Variants in SAMD13 observed in about 807,000 individuals in gnomAD.
The protein encoded by SAMD13 is sterile alpha motif domain containing 13, also known as sterile alpha motif domain-containing protein 13.
SAMD13 carries 9 observed loss-of-function variants against 12.4 expected under a neutral mutation model. The observed-to-expected ratio is 0.72, with a 90% CI of 0.44 to 1.26. SAMD13 has a LOEUF of 1.26. SAMD13 is among the 50% of genes most tolerant of loss of function. The pLI is 0.00. For synonymous variants in SAMD13, 46 were observed against 45.4 expected (o/e 1.01, Z -0.05); for missense variants, 84 against 119.6 (o/e 0.70, Z 1.39).
At chr1:84,314,580 T>C (rs990253889) in intron 2 of SAMD13, among the ~76,000 whole-genome samples, 1 of 152,118 alleles carries the variant, frequency 6.6e-6, no homozygotes, top group Non-Finnish European at 1.5e-5. Flanking sequence ...CACTCTTCCC[T>C]GTCCCCACAG....
intron 2 of SAMD13, among the ~76,000 whole-genome samples, chr1:84,307,551 A>G (rs1007745250): frequency 1.3e-5 from 2 of 152,162 alleles, no homozygotes; most frequent in Non-Finnish European, 2.9e-5. Context: ...TTGCGTGGTC[A>G]TATTTTTCTG....
intron 3 of SAMD13, 135 bp from the exon 4 acceptor site, chr1:84,349,496 T>C: frequency 7.0e-7 from 1 of 1,429,154 alleles, no homozygotes; most frequent in Admixed American, 2.4e-5. Context: ...TTTTTCCATT[T>C]TGGCACTACT....
At chr1:84,299,657 G>GTATATATA (rs143143145), upstream of SAMD13, 12,051 of 674,408 alleles carry the variant, frequency 0.018, 172 homozygotes, top group African/African-American at 0.057. Flanking sequence ...GAGTACTAGT[G>GTATATATA]TATATATATA....
chr1:84,303,463 C>T, intron 2 of SAMD13, 176 bp downstream of exon 2: 2 of 507,682 alleles, frequency 3.9e-6, no homozygotes, highest in Non-Finnish European at 3.6e-6. Context: ...TTCTGTATTG[C>T]ATTTCTAAGA....
chr1:84,302,648 C>T, intron 1 of SAMD13: 1 of 986,626 alleles, frequency 1.0e-6, no homozygotes, highest in Non-Finnish European at 1.2e-6. Context: ...ACAGCATGGC[C>T]ATCTCACAGA....
intron 3 of SAMD13, chr1:84,344,893 G>T: frequency 2.2e-6 from 1 of 456,600 alleles, no homozygotes; most frequent in Non-Finnish European, 4.4e-6. Context: ...AGAAGGAACC[G>T]AACCAAAAGG....
intron 3 of SAMD13, among the ~76,000 whole-genome samples, chr1:84,348,881 G>A (rs1172057841): frequency 2.0e-5 from 3 of 152,120 alleles, no homozygotes; most frequent in African/African-American, 7.2e-5. Flanking sequence ...GAGTGTGGTA[G>A]GGGAACTTAT....
chr1:84,344,309 A>C lies in SAMD13; in HGVS notation c.166-5322A>C, dbSNP rs1679487173. On this transcript the variant is annotated intron_variant, in intron 3 of 3. Transcript: ENST00000394834. ...CAGCTTCTCTCTGAATAAGCTGCTC[A>C]GTGTTGATTTTTAAATAAGGTGAAG... Among the ~76,000 whole-genome samples the C allele has an allele frequency of 2.6e-5, 4 of 152,148 alleles. No homozygotes were observed. In the South Asian group the frequency reaches 8.3e-4, roughly 32 times the overall value.
intron 2 of SAMD13, among the ~76,000 whole-genome samples, chr1:84,316,360 T>C (rs1678832939): frequency 6.6e-6 from 1 of 152,204 alleles, no homozygotes; most frequent in African/African-American, 2.4e-5. Context: ...TCAAGTCTTA[T>C]GTTTAAGTCT....
At chr1:84,301,155 T>G (rs2101782773), upstream of SAMD13, among the ~76,000 whole-genome samples, 1 of 152,334 alleles carries the variant, frequency 6.6e-6, no homozygotes, top group Admixed American at 6.5e-5. Context: ...TGTTACTTCC[T>G]GCATAATGAA....
intron 2 of SAMD13, among the ~76,000 whole-genome samples, chr1:84,306,597 G>A (rs1395776518): frequency 7.4e-6 from 1 of 134,708 alleles, no homozygotes; most frequent in Non-Finnish European, 1.5e-5. Flanking sequence ...TCAAGAGTTC[G>A]AGACTAGTCT....
intron 2 of SAMD13, among the ~76,000 whole-genome samples, chr1:84,316,693 T>G (rs1406975058): frequency 1.3e-5 from 2 of 152,124 alleles, no homozygotes; most frequent in Non-Finnish European, 2.9e-5. Flanking sequence ...GTTTTGGCTA[T>G]TCAAGATCTT....
intron 3 of SAMD13, among the ~76,000 whole-genome samples, chr1:84,336,860 C>G (rs1169404662): frequency 6.6e-6 from 1 of 152,176 alleles, no homozygotes; most frequent in Non-Finnish European, 1.5e-5. Flanking sequence ...TTCCTAGATA[C>G]AGTGGGGGTA....
At chr1:84,348,692 C>T (rs1025658802) in intron 3 of SAMD13, among the ~76,000 whole-genome samples, 1 of 152,128 alleles carries the variant, frequency 6.6e-6, no homozygotes, top group African/African-American at 2.4e-5. Context: ...TGTGAGAAGC[C>T]TGTTTTTATT....
chr1:84,345,249 T>G (rs1315859945), intron 3 of SAMD13: 1 of 455,668 alleles, frequency 2.2e-6, no homozygotes, highest in Non-Finnish European at 4.4e-6. Context: ...AAAAGACTGT[T>G]TCATGAGATT....
chr1:84,324,356 C>T (rs1679012285), intron 2 of SAMD13, among the ~76,000 whole-genome samples: 2 of 152,190 alleles, frequency 1.3e-5, no homozygotes, highest in African/African-American at 4.8e-5. Flanking sequence ...GTCACAGGGC[C>T]TGGAATATTC....
upstream of SAMD13, chr1:84,301,543 G>T: frequency 2.2e-6 from 2 of 890,188 alleles, no homozygotes; most frequent in Non-Finnish European, 2.7e-6. Flanking sequence ...CACTAATTGT[G>T]CTGAAGGTAG....
upstream of SAMD13, chr1:84,299,673 A>ATATATT (rs756472323): frequency 1.2e-3 from 1,123 of 900,336 alleles, 7 homozygotes; most frequent in East Asian, 0.023. Flanking sequence ...ATATATATAT[A>ATATATT]TATTTATTTA....
intron 3 of SAMD13, among the ~76,000 whole-genome samples, chr1:84,333,734 C>A (rs7548576): frequency 0.027 from 4,157 of 152,002 alleles, 202 homozygotes; most frequent in African/African-American, 0.095. Flanking sequence ...AACTTTGATG[C>A]CTAGTTTGTT....
Sources: gnomAD v4.1 joint callset for allele counts (sites outside exome capture counted in the v4.1 genomes callset) on GRCh38, gnomAD v4.1.1 for gene constraint, MANE v1.5 for transcripts, NCBI Gene and HGNC (gene_info 2026-07-23, HGNC 2026-07-21) for gene names.